ECM2: variants seen among roughly 807,000 people sequenced by gnomAD.
ECM2 encodes the protein extracellular matrix protein 2.
A neutral mutation model predicts 67.5 loss-of-function variants in ECM2; 57 were observed. The ratio of observed to expected loss-of-function variants is 0.84; its 90% CI spans 0.68 to 1.05. ECM2 has a LOEUF of 1.05. Among genes scored for constraint, ECM2 ranks in the 50% least tolerant of loss-of-function variants. The pLI is 0.00. For missense variants in ECM2, 741 were observed against 822.8 expected, an observed-to-expected ratio of 0.90 and a Z score of 1.22; for synonymous variants, 258 against 294.5, an observed-to-expected ratio of 0.88 and a Z score of 1.27.
intron 1 of ECM2, among the ~76,000 whole-genome samples, chr9:92,532,052 G>T: frequency 4.3e-5 from 3 of 69,172 alleles, no homozygotes; most frequent in South Asian, 3.8e-4. Flanking sequence ...TTTGAGATGA[G>T]GTCTCACTAT....
At chr9:92,527,661 G>A (rs1327037071) in intron 1 of ECM2, among the ~76,000 whole-genome samples, 1 of 152,120 alleles carries the variant, frequency 6.6e-6, no homozygotes, top group Non-Finnish European at 1.5e-5. Flanking sequence ...GGTAATGAAT[G>A]CCTTCCTCAA....
Position 92,532,015 on chromosome 9 carries a change from G to GT in ECM2, c.-28+3917dup, listed in dbSNP as rs71362397. The stretch of plus-strand genomic sequence containing the variant: ...TTTTCTTTTTCTTTTTTTATTTAAT[G>GT]TTTTTTTTTTTTTATTTTATTTTTT... On this transcript the variant is annotated intron_variant, in intron 1 of 9. Transcript: ENST00000344604. Among the ~76,000 whole-genome samples, 229 of 95,670 alleles carry GT rather than the reference G, an allele frequency of 2.4e-3. 44 individuals are homozygous for GT. The highest frequency in any genetic ancestry group is 0.014 in the Middle Eastern group (2 of 146). The allele number at this position is 95,670 out of a possible 152,430, so 62.8% of individuals were successfully genotyped here.
intron 3 of ECM2, 78 bp downstream of exon 3, chr9:92,517,609 T>A (rs1847806937): frequency 1.3e-6 from 2 of 1,570,678 alleles, no homozygotes; most frequent in East Asian, 4.5e-5. Context: ...ATAATTTTAA[T>A]CTAAAATTAG....
Position 92,500,843 on chromosome 9 carries a change from C to T in ECM2, c.1815G>A (p.Gly605=), listed in dbSNP as rs942352232. 6.2e-7 allele frequency: 1 copy of T among 1,614,030 alleles called. No homozygotes were observed. The highest frequency in any genetic ancestry group is 2.2e-5 in the East Asian group (1 of 44,878). ...DDGMDRVSFY[G]AYHSLRELFL... Reference sequence around the variant, plus strand: ...ATAATTCTCTCAGAGAATGATATGCCCCATAGAAGGAGACACGGTCCATGC... The same window carrying T: ...ATAATTCTCTCAGAGAATGATATGCTCCATAGAAGGAGACACGGTCCATGC... The change falls in exon 9 of 10, where the codon GGG becomes GGA. Residue 605 remains glycine, a synonymous_variant. Coordinates refer to ENST00000344604, the MANE Select transcript of ECM2 (RefSeq NM_001393.4).
chr9:92,523,020 A>C, intron 1 of ECM2, 127 bp from the exon 2 acceptor site: 1 of 894,322 alleles, frequency 1.1e-6, no homozygotes. Context: ...TATATGGACT[A>C]TATGCTATAG....
the ECM2 span, among the ~76,000 whole-genome samples, chr9:92,545,216 G>T: frequency 6.6e-6 from 1 of 151,922 alleles, no homozygotes; most frequent in African/African-American, 2.4e-5. Flanking sequence ...GCCGGAGCCG[G>T]CTCGGACCTG....
the ECM2 span, among the ~76,000 whole-genome samples, chr9:92,557,525 C>A: frequency 6.6e-6 from 1 of 152,118 alleles, no homozygotes; most frequent in Admixed American, 6.5e-5. Flanking sequence ...TTTTCTTATT[C>A]TTTTTTCTCT....
At chr9:92,557,934 C>T in the ECM2 span, among the ~76,000 whole-genome samples, 2 of 152,262 alleles carry the variant, frequency 1.3e-5, no homozygotes, top group South Asian at 2.1e-4. Context: ...TGAGCCACCG[C>T]GCCTGGCCTG....
the ECM2 span, among the ~76,000 whole-genome samples, chr9:92,552,216 C>CACACA: frequency 2.5e-4 from 37 of 146,722 alleles, no homozygotes; most frequent in Non-Finnish European, 3.6e-4. Flanking sequence ...CACACACACA[C>CACACA]CCCACAGTTT....
chr9:92,552,165 T>TATGTGATATGATAGATCTATCATATAC, the ECM2 span, among the ~76,000 whole-genome samples: 1 of 130,788 alleles, frequency 7.6e-6, no homozygotes, highest in Non-Finnish European at 1.6e-5. Flanking sequence ...CTATCATATA[T>TATGTGATATGATAGATCTATCATATAC]ATGTGATATG....
chr9:92,512,451 G>A (rs747091485), intron 4 of ECM2, among the ~76,000 whole-genome samples: 7 of 152,160 alleles, frequency 4.6e-5, no homozygotes, highest in Non-Finnish European at 1.0e-4. Flanking sequence ...TACAACAAAG[G>A]TGTGGAAGGT....
intron 1 of ECM2, among the ~76,000 whole-genome samples, chr9:92,528,835 T>C (rs983707005): frequency 6.6e-6 from 1 of 152,136 alleles, no homozygotes; most frequent in African/African-American, 2.4e-5. Flanking sequence ...CCAATGTAAA[T>C]TTACCAGGTA....
the ECM2 span, among the ~76,000 whole-genome samples, chr9:92,543,299 C>A: frequency 6.6e-6 from 1 of 151,558 alleles, no homozygotes; most frequent in African/African-American, 2.4e-5. Flanking sequence ...TGGTGAAACC[C>A]CATCTCTATC....
In ECM2 at chr9:92,495,353, C is replaced by T. The variant is rs996901958; in HGVS notation, c.*962G>A. The stretch of plus-strand genomic sequence containing the variant: ...TTTTAATATATGATTTTGGTAGGGC[C>T]AATACATAGTAAAGACATAGCTTTA... On this transcript the variant is annotated 3_prime_UTR_variant, in exon 10 of 10. Transcript: ENST00000344604. The T allele has an allele frequency of 1.0e-6, 1 of 959,526 alleles. No individual in the cohort carries two copies. Among genetic ancestry groups the T allele is most frequent in the Non-Finnish European group, 1.2e-6 (1 of 806,682 alleles). The allele number at this position is 959,526 out of a possible 1,614,324, so 59.4% of individuals were successfully genotyped here.
Position 92,502,636 on chromosome 9 carries a change from T to C in ECM2, c.1481A>G (p.Asn494Ser), listed in dbSNP as rs1372819155. ...TTCAGTTATTTCTTCAATTTGGTTA[T>C]TTTCTAGGTATAATTCCTATAATTA... ...PGSIEELYLE[N>S]NQIEEITEIC... Residue 494 changes from asparagine to serine, a missense_variant, in exon 8 of 10, where the codon AAT becomes AGT. By Grantham distance (46) the Asn-to-Ser change is conservative (BLOSUM62 1). Coordinates refer to ENST00000344604, the MANE Select transcript of ECM2 (RefSeq NM_001393.4). 8 of 1,587,130 alleles carry C rather than the reference T, an allele frequency of 5.0e-6. No individual in the cohort carries two copies. The highest frequency in any genetic ancestry group is 6.0e-6 in the Non-Finnish European group (7 of 1,158,400).
the ECM2 span, among the ~76,000 whole-genome samples, chr9:92,551,041 A>G: frequency 1.3e-5 from 2 of 152,168 alleles, no homozygotes; most frequent in Admixed American, 6.5e-5. Flanking sequence ...AGCCCTGGAA[A>G]CAAAGTTATT....
chr9:92,540,535 G>T (rs2131307886), upstream of ECM2, among the ~76,000 whole-genome samples: 1 of 152,208 alleles, frequency 6.6e-6, no homozygotes, highest in East Asian at 1.9e-4. Context: ...CACTCTGGGA[G>T]GCCAAGGTGG....
chr9:92,504,058 A>C (rs544203187), intron 7 of ECM2, among the ~76,000 whole-genome samples: 219 of 152,366 alleles, frequency 1.4e-3, no homozygotes, highest in African/African-American at 4.8e-3. Flanking sequence ...GCTCAGGCTC[A>C]CAGTGGGGCA....
intron 9 of ECM2, among the ~76,000 whole-genome samples, chr9:92,497,739 G>A (rs1846432459): frequency 6.6e-6 from 1 of 151,802 alleles, no homozygotes; most frequent in African/African-American, 2.4e-5. Flanking sequence ...TTGATCCCCA[G>A]TGTTGGAGGT....
Sources: gnomAD v4.1 joint callset for allele counts (sites outside exome capture counted in the v4.1 genomes callset) on GRCh38, gnomAD v4.1.1 for gene constraint, MANE v1.5 for transcripts, NCBI Gene and HGNC (gene_info 2026-07-23, HGNC 2026-07-21) for gene names.